SYDE2: variants seen among roughly 807,000 people sequenced by gnomAD.
SYDE2 encodes the protein rho GTPase-activating protein SYDE2.
In SYDE2, 76 loss-of-function variants were observed where a neutral mutation model predicts 91.5. The ratio of observed to expected loss-of-function variants is 0.83; its 90% CI spans 0.69 to 1.01. The LOEUF (loss-of-function observed/expected upper bound fraction) is 1.01. SYDE2 is among the 50% of genes least tolerant of loss of function. The pLI is 0.00. For synonymous variants in SYDE2, 513 were observed against 506.4 expected (o/e 1.01, Z -0.18); for missense variants, 1,364 against 1,367.7 (o/e 1.00, Z 0.04).
Position 85,182,951 on chromosome 1 carries a change from T to C in SYDE2, c.1691A>G (p.Tyr564Cys). 1 of 1,613,898 alleles carries C rather than the reference T, an allele frequency of 6.2e-7. No individual in the cohort carries two copies. Among genetic ancestry groups the C allele is most frequent in the South Asian group, 1.1e-5 (1 of 91,074 alleles). ...SPDNTPSLSK[Y>C]NCREVHHTDI... Reference sequence around the variant, plus strand: ...AGTATGATGAACTTCTCGGCAGTTATATTTAGACAAAGAAGGAGTATTATC... The same window carrying C: ...AGTATGATGAACTTCTCGGCAGTTACATTTAGACAAAGAAGGAGTATTATC... Residue 564 changes from tyrosine to cysteine, a missense_variant, in exon 3 of 7, where the codon TAT becomes TGT. Tyr to Cys is a radical substitution (Grantham distance 194). Transcript: ENST00000341460.
At chr1:85,190,821 C>T in intron 1 of SYDE2, 69 bp from the exon 2 acceptor site, 1 of 1,320,774 alleles carries the variant, frequency 7.6e-7, no homozygotes, top group Non-Finnish European at 1.0e-6. Context: ...TCACTTCAGA[C>T]CAGTTATTTA....
chr1:85,190,180 T>C lies in SYDE2; in HGVS notation c.1318A>G (p.Met440Val). Reference sequence around the variant, plus strand: ...GAATGGGCAGGATGTATAGGATTCATTCCATTTGACCGTGTGGTCTGAATA... The same window carrying C: ...GAATGGGCAGGATGTATAGGATTCACTCCATTTGACCGTGTGGTCTGAATA... ...GDIQTTRSNG[M>V]NPIHPAHSTE... Residue 440 changes from methionine to valine, a missense_variant, in exon 2 of 7, where the codon ATG becomes GTG. Coordinates refer to ENST00000341460, the MANE Select transcript of SYDE2 (RefSeq NM_032184.2). 1 of 1,614,018 alleles carries C rather than the reference T, an allele frequency of 6.2e-7. No homozygotes were observed. Among genetic ancestry groups the C allele is most frequent in the South Asian group, 1.1e-5 (1 of 91,086 alleles).
chr1:85,160,183 A>G, intron 6 of SYDE2: 1 of 984,914 alleles, frequency 1.0e-6, no homozygotes. Context: ...CACTAAGATA[A>G]AGCAACATAA....
At chr1:85,180,827 G>A (rs1249379028) in intron 3 of SYDE2, among the ~76,000 whole-genome samples, 2 of 151,392 alleles carry the variant, frequency 1.3e-5, no homozygotes, top group Non-Finnish European at 2.9e-5. Context: ...AAAATATAGT[G>A]CCATTTGAGT....
At chr1:85,160,622 C>T in intron 6 of SYDE2, 1 of 985,328 alleles carries the variant, frequency 1.0e-6, no homozygotes, top group East Asian at 1.1e-4. Flanking sequence ...TCTTTTTCTT[C>T]CTCTAGCTGC....
At chr1:85,161,063 T>C (rs1657036451) in intron 6 of SYDE2, 25 of 983,650 alleles carry the variant, frequency 2.5e-5, no homozygotes, top group Non-Finnish European at 2.9e-5. Context: ...TGAAAATGGC[T>C]AATTTTAACC....
chr1:85,165,891 G>GCA (rs1657252316), intron 5 of SYDE2, among the ~76,000 whole-genome samples: 3 of 67,482 alleles, frequency 4.4e-5, no homozygotes. Context: ...TTTTTTTTTT[G>GCA]GAGACAGGGT....
chr1:85,182,027 ATTTC>A, intron 3 of SYDE2, 67 bp downstream of exon 3: 1 of 1,413,108 alleles, frequency 7.1e-7, no homozygotes, highest in Non-Finnish European at 9.4e-7. Flanking sequence ...ATTACCTTGA[ATTTC>A]TTCCCCCAAG....
chr1:85,188,840 C>G (rs1253049974), intron 2 of SYDE2, among the ~76,000 whole-genome samples: 1 of 152,010 alleles, frequency 6.6e-6, no homozygotes, highest in Non-Finnish European at 1.5e-5. Flanking sequence ...TGGAAATAGG[C>G]TTCTCCCATT....
In SYDE2 at chr1:85,178,257, G is replaced by T. The variant is rs753415774; in HGVS notation, c.2560C>A (p.Arg854=). 2 of 1,576,240 alleles carry T rather than the reference G, an allele frequency of 1.3e-6. No homozygotes were observed. Among genetic ancestry groups the T allele is most frequent in the South Asian group, 1.2e-5 (1 of 85,628 alleles). The part of the protein sequence containing the change: ...KRGCQVVGLY[R]LCGSAAVKKE... ...TTGACTGCTGCCGAACCACATAATC[G>T]ATACAGGCCTACTACCTAGGAATAA... The change falls in exon 4 of 7, where the codon CGA becomes AGA. Residue 854 remains arginine (R), a synonymous_variant. Coordinates refer to ENST00000341460, the MANE Select transcript of SYDE2 (RefSeq NM_032184.2).
intron 5 of SYDE2, among the ~76,000 whole-genome samples, chr1:85,168,624 T>C (rs1218161680): frequency 6.6e-6 from 1 of 152,134 alleles, no homozygotes; most frequent in Non-Finnish European, 1.5e-5. Context: ...AGTTAAGCCA[T>C]GTACACCAAC....
At chr1:85,188,170 C>G (rs1373111372) in intron 2 of SYDE2, among the ~76,000 whole-genome samples, 3 of 152,124 alleles carry the variant, frequency 2.0e-5, no homozygotes, top group Non-Finnish European at 4.4e-5. Context: ...GATACTATAG[C>G]CTTCCCTATC....
In SYDE2 at chr1:85,182,158, TC is replaced by T; in HGVS notation, c.2483del (p.Gly828AspfsTer2). Reference protein sequence around the residue: ...IQKVVEKENIGLMVPLLIQKC... With the variant: ...IQKVVEKENIXLMVPLLIQKC... ...TCTGTATCAGAAGGGGCACCATCAG[TC>T]CTATATTTTCTTTCTCTACAACTTT... On this transcript the variant is annotated frameshift_variant, in exon 3 of 7. Coordinates refer to ENST00000341460, the MANE Select transcript of SYDE2 (RefSeq NM_032184.2). LOFTEE classifies it high-confidence loss of function. 1 of 1,604,778 alleles carries T rather than the reference TC, an allele frequency of 6.2e-7. No individual in the cohort carries two copies. The highest frequency in any genetic ancestry group is 8.5e-7 in the Non-Finnish European group (1 of 1,175,196).
intron 5 of SYDE2, 99 bp downstream of exon 5, chr1:85,168,945 G>A: frequency 9.2e-7 from 1 of 1,090,626 alleles, no homozygotes; most frequent in Non-Finnish European, 1.4e-6. Flanking sequence ...ATCCATGAGT[G>A]CCACAAATGT....
At chr1:85,178,907 T>C (rs817442) in intron 3 of SYDE2, among the ~76,000 whole-genome samples, 149,718 of 152,004 alleles carry the variant, frequency 0.98, 73,769 homozygotes, top group East Asian at 1. Context: ...AAAACCTCTA[T>C]TTCAAAATTT....
At chr1:85,185,841 A>G (rs1361311228) in intron 2 of SYDE2, among the ~76,000 whole-genome samples, 1 of 152,102 alleles carries the variant, frequency 6.6e-6, no homozygotes, top group African/African-American at 2.4e-5. Context: ...ACTGTTGAAT[A>G]GGAGTGGTGA....
At chr1:85,160,743 G>C (rs569139929) in intron 6 of SYDE2, 4 of 985,128 alleles carry the variant, frequency 4.1e-6, no homozygotes, top group Non-Finnish European at 4.8e-6. Context: ...ACAATATTCT[G>C]CTAGCCTTGA....
chr1:85,166,877 AATAAG>A (rs1466311801), intron 5 of SYDE2, among the ~76,000 whole-genome samples: 1 of 152,146 alleles, frequency 6.6e-6, no homozygotes, highest in Non-Finnish European at 1.5e-5. Flanking sequence ...TTGACTACTA[AATAAG>A]ATAAGCCAAA....
Position 85,200,826 on chromosome 1 carries a change from C to A in SYDE2, c.171G>T (p.Gln57His). ...GAGGCGACCGGGGCGGGGACACCTG[C>A]TGCCGAGGGCGTCCGCCGCCTCCCC... ...GERGGGGRPRQQVSPPRSPQR... is the reference protein window; with the variant it reads ...GERGGGGRPRHQVSPPRSPQR... The change falls in exon 1 of 7, where the codon CAG (glutamine) becomes CAT (histidine). Residue 57 changes from glutamine to histidine, a missense_variant. By Grantham distance (24) the Gln-to-His change is conservative (BLOSUM62 0). Coordinates refer to ENST00000341460, the MANE Select transcript of SYDE2 (RefSeq NM_032184.2). 1 of 1,407,326 alleles carries A rather than the reference C, an allele frequency of 7.1e-7. No homozygotes were observed. Among genetic ancestry groups the A allele is most frequent in the Non-Finnish European group, 9.2e-7 (1 of 1,089,252 alleles). 87.2% of individuals were successfully genotyped at this position (1,407,326 alleles called of 1,614,324 possible).
Sources: gnomAD v4.1 joint callset for allele counts (sites outside exome capture counted in the v4.1 genomes callset) on GRCh38, gnomAD v4.1.1 for gene constraint, MANE v1.5 for transcripts, NCBI Gene and HGNC (gene_info 2026-07-23, HGNC 2026-07-21) for gene names.